ACCSL: variants seen among roughly 807,000 people sequenced by gnomAD.
The protein encoded by ACCSL is probable inactive 1-aminocyclopropane-1-carboxylate synthase-like protein 2.
Under a neutral mutation model 61.7 loss-of-function variants are expected in ACCSL, and 55 were observed. The ratio of observed to expected loss-of-function variants is 0.89; its 90% CI spans 0.72 to 1.12. ACCSL has a LOEUF of 1.12. Among genes scored for constraint, ACCSL ranks in the 50% most tolerant of loss-of-function variants. The pLI is 0.00. For synonymous variants in ACCSL, 258 were observed against 264.3 expected (o/e 0.98, Z 0.23); for missense variants, 632 against 698.0 (o/e 0.91, Z 1.07).
At chr11:44,040,787 T>C in the ACCSL span, among the ~76,000 whole-genome samples, 2 of 151,990 alleles carry the variant, frequency 1.3e-5, no homozygotes, top group South Asian at 2.1e-4. Flanking sequence ...TGAGGTAGGG[T>C]CCCTCATGGA....
intron 13 of ACCSL, 135 bp downstream of exon 13, chr11:44,058,834 T>C: frequency 8.8e-7 from 1 of 1,133,442 alleles, no homozygotes; most frequent in Non-Finnish European, 1.2e-6. Context: ...TTTAGTTAGG[T>C]GCTCTTGCAA....
chr11:44,049,934 TAA>T, intron 1 of ACCSL, 126 bp from the exon 2 acceptor site: 1 of 1,292,734 alleles, frequency 7.7e-7, no homozygotes, highest in South Asian at 1.3e-5. Context: ...TCCTAACGTG[TAA>T]AGTTGTCAAA....
At chr11:44,002,999 T>A in the ACCSL span, among the ~76,000 whole-genome samples, 21 of 152,112 alleles carry the variant, frequency 1.4e-4, no homozygotes, top group Non-Finnish European at 2.5e-4. Flanking sequence ...TGCAGCTGCA[T>A]TCGTGATGTT....
At chr11:44,016,448 TACA>T in the ACCSL span, among the ~76,000 whole-genome samples, 1 of 152,152 alleles carries the variant, frequency 6.6e-6, no homozygotes, top group Non-Finnish European at 1.5e-5. Flanking sequence ...TCAGCTAGAC[TACA>T]ACAGGATTGG....
At chr11:44,018,784 A>G in the ACCSL span, among the ~76,000 whole-genome samples, 3 of 152,250 alleles carry the variant, frequency 2.0e-5, no homozygotes, top group Non-Finnish European at 4.4e-5. Context: ...CCTGGACAGC[A>G]TACTAAGACC....
the ACCSL span, among the ~76,000 whole-genome samples, chr11:43,960,922 G>A: frequency 4.6e-5 from 7 of 152,048 alleles, no homozygotes; most frequent in South Asian, 2.1e-4. Flanking sequence ...GGGTTCAAGC[G>A]ATTCTCCTGC....
At chr11:43,931,554 T>C in the ACCSL span, among the ~76,000 whole-genome samples, 149,685 of 152,242 alleles carry the variant, frequency 0.98, 73,631 homozygotes, top group East Asian at 1. Flanking sequence ...TGCATCCCAG[T>C]GCCACTTCTG....
chr11:44,032,325 C>A, the ACCSL span, among the ~76,000 whole-genome samples: 1 of 152,224 alleles, frequency 6.6e-6, no homozygotes, highest in Non-Finnish European at 1.5e-5. Context: ...GGACCACCCA[C>A]TGCACTTGTC....
chr11:44,028,134 C>G, the ACCSL span, among the ~76,000 whole-genome samples: 1 of 151,868 alleles, frequency 6.6e-6, no homozygotes, highest in East Asian at 1.9e-4. Context: ...CCACCGTACT[C>G]CTGCTTGGGT....
At chr11:43,924,538 G>A in the ACCSL span, among the ~76,000 whole-genome samples, 2 of 151,850 alleles carry the variant, frequency 1.3e-5, no homozygotes, top group Non-Finnish European at 3.0e-5. Context: ...GGGACCTGGA[G>A]GCCGGAGGCC....
intron 6 of ACCSL, 80 bp from the exon 7 acceptor site, chr11:44,052,911 A>T (rs1445193959): frequency 2.0e-6 from 3 of 1,512,030 alleles, no homozygotes; most frequent in African/African-American, 1.4e-5. Flanking sequence ...TATGAAGGCA[A>T]AGGATTGCGG....
the ACCSL span, among the ~76,000 whole-genome samples, chr11:43,976,333 T>G: frequency 9.8e-5 from 15 of 152,340 alleles, no homozygotes; most frequent in African/African-American, 3.4e-4. Flanking sequence ...CTCCTGATAT[T>G]CACATCCTCG....
chr11:43,953,860 G>A, the ACCSL span, among the ~76,000 whole-genome samples: 10 of 152,128 alleles, frequency 6.6e-5, no homozygotes, highest in East Asian at 1.9e-4. Flanking sequence ...TGGTGTAGCC[G>A]TTCCCTATTC....
the ACCSL span, among the ~76,000 whole-genome samples, chr11:43,974,706 G>C: frequency 6.6e-6 from 1 of 152,168 alleles, no homozygotes; most frequent in African/African-American, 2.4e-5. Flanking sequence ...AATACAGCCA[G>C]CTACTATGTA....
At chr11:43,996,853 C>CT in the ACCSL span, among the ~76,000 whole-genome samples, 1 of 151,332 alleles carries the variant, frequency 6.6e-6, no homozygotes, top group African/African-American at 2.4e-5. Flanking sequence ...CGCTCTGTCA[C>CT]CCAGGCTAAA....
At chr11:44,049,848 G>A (rs1048396951) in intron 1 of ACCSL, among the ~76,000 whole-genome samples, 5 of 152,220 alleles carry the variant, frequency 3.3e-5, no homozygotes, top group Admixed American at 6.5e-5. Context: ...ATGACTGGTC[G>A]ATAGGACATA....
At chr11:43,942,737 C>T in the ACCSL span, 1 of 164,066 alleles carries the variant, frequency 6.1e-6, no homozygotes, top group Non-Finnish European at 1.2e-5. Context: ...CCCGCCCTCC[C>T]GAGGAGCGCC....
chr11:43,932,467 C>T, the ACCSL span, among the ~76,000 whole-genome samples: 1 of 152,166 alleles, frequency 6.6e-6, no homozygotes, highest in Non-Finnish European at 1.5e-5. Flanking sequence ...CAGGGTTTTG[C>T]CATGTTGCCC....
chr11:44,007,985 C>T, the ACCSL span, among the ~76,000 whole-genome samples: 1 of 152,084 alleles, frequency 6.6e-6, no homozygotes, highest in South Asian at 2.1e-4. Flanking sequence ...GAAGAGGGTT[C>T]TTGCTTTAGA....
Sources: gnomAD v4.1 joint callset for allele counts (sites outside exome capture counted in the v4.1 genomes callset) on GRCh38, gnomAD v4.1.1 for gene constraint, MANE v1.5 for transcripts, NCBI Gene and HGNC (gene_info 2026-07-23, HGNC 2026-07-21) for gene names.